AAK1: variants seen among roughly 807,000 people sequenced by gnomAD.
AAK1 encodes AP2 associated kinase 1, also known as AP2-associated protein kinase 1.
AAK1 carries 37 observed loss-of-function variants against 116.0 expected under a neutral mutation model. The observed-to-expected ratio is 0.32, with a 90% CI of 0.25 to 0.42. The LOEUF (loss-of-function observed/expected upper bound fraction) is 0.42, where lower values mean the gene tolerates loss of function less well. Ranked by LOEUF, AAK1 falls within the 10% of genes least tolerant of loss-of-function variation. The pLI is 1.00. For missense variants in AAK1, 919 were observed against 1,170.6 expected (o/e 0.79, Z 3.14); for synonymous variants, 458 against 439.9 (o/e 1.04, Z -0.51).
intron 2 of AAK1, among the ~76,000 whole-genome samples, chr2:69,568,414 A>C (rs896798662): frequency 1.3e-5 from 2 of 151,318 alleles, no homozygotes; most frequent in African/African-American, 4.9e-5. Context: ...AAGGTATATA[A>C]ATGTTTTCAA....
intron 2 of AAK1, among the ~76,000 whole-genome samples, chr2:69,584,288 T>C (rs1019067237): frequency 9.2e-5 from 14 of 152,228 alleles, no homozygotes. Context: ...GGTCATTACA[T>C]AATACCTCTT....
intron 2 of AAK1, among the ~76,000 whole-genome samples, chr2:69,580,633 C>T (rs1014148084): frequency 1.2e-4 from 18 of 152,170 alleles, no homozygotes; most frequent in African/African-American, 4.3e-4. Flanking sequence ...CTCCAGGTTC[C>T]GTTAGAAACA....
At chr2:69,491,887 A>G (rs1280770552) in intron 17 of AAK1, among the ~76,000 whole-genome samples, 3 of 152,196 alleles carry the variant, frequency 2.0e-5, no homozygotes, top group African/African-American at 7.2e-5. Context: ...ACAGTTTCAG[A>G]TCTATTTTTA....
Position 69,482,806 on chromosome 2 carries a change from A to T in AAK1, c.2372T>A (p.Leu791Gln). The T allele has an allele frequency of 6.2e-7, 1 of 1,610,102 alleles. No homozygotes were observed. The highest frequency in any genetic ancestry group is 8.5e-7 in the Non-Finnish European group (1 of 1,176,464). ...PLQVPDAPEK[L>Q]IEGLKSPDTS... ...GTCAGGAGATTTGAGTCCCTCAATT[A>T]GTTTTTCTACGTTGGGCAGAGAGAC... The change falls in exon 18 of 22, where the codon CTA (leucine) becomes CAA (glutamine). Residue 791 changes from leucine to glutamine, a missense_variant. Transcript: ENST00000409085.
intron 2 of AAK1, chr2:69,598,373 A>C: frequency 3.1e-6 from 1 of 325,152 alleles, no homozygotes; most frequent in East Asian, 5.6e-5. Flanking sequence ...TTGGGTTATA[A>C]AATGTCCAGA....
At position 69,497,437 on chromosome 2, in the gene AAK1, G is replaced by A. The variant is rs191364569; in HGVS notation, c.2270-1357C>T. 1.2e-3 allele frequency among the ~76,000 whole-genome samples: 187 copies of A among 151,466 alleles called. 1 individual carries two copies. Among genetic ancestry groups the A allele is most frequent in the Non-Finnish European group, 2.4e-3 (161 of 67,894 alleles). ...CTGCCTCAGCCTCCCGAGTAGCTGGGATTACAGGCACCTACCACCACACCT... is the reference window on the plus strand; with the variant it reads ...CTGCCTCAGCCTCCCGAGTAGCTGGAATTACAGGCACCTACCACCACACCT... On this transcript the variant is annotated intron_variant, in intron 16 of 21. Transcript: ENST00000409085.
In AAK1 at chr2:69,468,177, A is replaced by G. The variant is rs1572868786; in HGVS notation, c.*7692T>C. ...GTATGTGCAGCTACATGGTGATACG[A>G]AAGCATCAGTCAGTGGACAGGAAAT... On this transcript the variant is annotated 3_prime_UTR_variant, in exon 22 of 22. Transcript: ENST00000409085. 4 of 985,428 alleles carry G rather than the reference A, an allele frequency of 4.1e-6. No homozygotes were observed. In the Admixed American group the frequency reaches 2.5e-4, roughly 61 times the overall value. The allele number at this position is 985,428 out of a possible 1,614,324, so 61.0% of individuals were successfully genotyped here.
intron 13 of AAK1, among the ~76,000 whole-genome samples, chr2:69,513,241 G>C (rs554830947): frequency 6.6e-6 from 1 of 152,224 alleles, no homozygotes; most frequent in South Asian, 2.1e-4. Flanking sequence ...CTACGGCACT[G>C]CTTCCTTTCG....
rs1383921598 is a variant in AAK1 at position 69,496,004 on chromosome 2, A to C, written c.2346T>G (p.Leu782=). ...ACCTACCTGGTGCATCAGGTACTTG[A>C]AGAGGAATGAAAGGATCAGACACGC... ...LLSVSDPFIP[L]QVPDAPEKLI... The change falls in exon 17 of 22, where the codon CTT becomes CTG. Residue 782 remains leucine, a synonymous_variant. Transcript: ENST00000409085. 1.9e-6 allele frequency: 3 copies of C among 1,553,738 alleles called. No individual in the cohort carries two copies. Among genetic ancestry groups the C allele is most frequent in the Non-Finnish European group, 2.6e-6 (3 of 1,148,254 alleles).
rs1057454825 is a variant in AAK1 at position 69,470,757 on chromosome 2, A to G, written c.*5112T>C. 2 of 985,614 alleles carry G rather than the reference A, an allele frequency of 2.0e-6. No individual in the cohort carries two copies. Among genetic ancestry groups the G allele is most frequent in the Non-Finnish European group, 2.4e-6 (2 of 829,932 alleles). 61.1% of individuals were successfully genotyped at this position (985,614 alleles called of 1,614,324 possible). A position where few individuals can be genotyped will look rare whatever the true frequency, so the allele number is the denominator to read the frequency against. ...AGGGGTTTTACTCTCTCAGGTAGCC[A>G]TGATTCATTAATATGTCCTCAGTGT... is the stretch of plus-strand genomic sequence containing the variant. On this transcript the variant is annotated 3_prime_UTR_variant, in exon 22 of 22. Coordinates refer to ENST00000409085, the MANE Select transcript of AAK1 (RefSeq NM_014911.5).
At chr2:69,476,671 A>T (rs1326171484) in intron 21 of AAK1, among the ~76,000 whole-genome samples, 1 of 152,206 alleles carries the variant, frequency 6.6e-6, no homozygotes, top group Non-Finnish European at 1.5e-5. Context: ...CCAACTGTTA[A>T]AGACTTCTCT....
chr2:69,465,771 T>C lies in AAK1; in HGVS notation c.*10098A>G. 1 of 1,290,886 alleles carries C rather than the reference T, an allele frequency of 7.7e-7. No individual in the cohort carries two copies. The allele number at this position is 1,290,886 out of a possible 1,614,324, so 80.0% of individuals were successfully genotyped here. A position where few individuals can be genotyped will look rare whatever the true frequency, so the allele number is the denominator to read the frequency against. ...TCCCCTGGGAGAGATGCTGTCCAGA[T>C]GGTCTGCTGCTTGTACAGAATGGGA... On this transcript the variant is annotated 3_prime_UTR_variant, in exon 22 of 22. Transcript: ENST00000409085.
rs139127892 is a variant in AAK1 at position 69,595,032 on chromosome 2, C to T, written c.164-38054G>A. 49 of 745,486 alleles carry T rather than the reference C, an allele frequency of 6.6e-5. No homozygotes were observed. The African/African-American group carries it at 7.5e-4, about 11-fold the overall frequency. The allele number at this position is 745,486 out of a possible 1,614,324, so 46.2% of individuals were successfully genotyped here. ...TGCTTGCCACACTTCTGACACAAGT[C>T]CAGCGGGTTTTAGGAACGTTCACCA... On this transcript the variant is annotated intron_variant, in intron 2 of 21. Transcript: ENST00000409085.
chr2:69,536,998 A>C (rs183274580), intron 5 of AAK1, among the ~76,000 whole-genome samples: 1 of 152,312 alleles, frequency 6.6e-6, no homozygotes, highest in Admixed American at 6.5e-5. Flanking sequence ...CTCCTTTCTT[A>C]AGTGCTTGGA....
chr2:69,634,475 G>A (rs1559020992), intron 2 of AAK1, among the ~76,000 whole-genome samples: 1 of 152,206 alleles, frequency 6.6e-6, no homozygotes, highest in Non-Finnish European at 1.5e-5. Flanking sequence ...AGTGAAAGAG[G>A]CAGCAAGGTT....
chr2:69,495,186 G>A lies in AAK1; in HGVS notation c.2365+799C>T, dbSNP rs140083628. Among the ~76,000 whole-genome samples the A allele has an allele frequency of 1.4e-4, 22 of 152,228 alleles. No individual in the cohort carries two copies. The East Asian group carries it at 2.7e-3, about 19-fold the overall frequency. ...GAGACTGACAGATAAGAGAAAGGGC[G>A]GCTTCTCTTCCCCACACCACTCCTC... On this transcript the variant is annotated intron_variant, in intron 17 of 21. Coordinates refer to ENST00000409085, the MANE Select transcript of AAK1 (RefSeq NM_014911.5).
rs76434461 is a variant in AAK1, at chr2:69,585,612, C to T, written c.164-28634G>A. On this transcript the variant is annotated intron_variant, in intron 2 of 21. Transcript: ENST00000409085. ...TCCTGTCCAAAGTCCTGTATCTCTCCTGCATCGTTAAAGGCAGCCTTGAGT... is the reference window on the plus strand; with the variant it reads ...TCCTGTCCAAAGTCCTGTATCTCTCTTGCATCGTTAAAGGCAGCCTTGAGT... 2.1e-4 allele frequency among the ~76,000 whole-genome samples: 32 copies of T among 152,324 alleles called. 1 individual carries two copies. The East Asian group carries it at 6.2e-3, about 29-fold the overall frequency.
chr2:69,478,273 T>C (rs909079130), intron 20 of AAK1, among the ~76,000 whole-genome samples: 4 of 152,254 alleles, frequency 2.6e-5, no homozygotes, highest in African/African-American at 9.6e-5. Flanking sequence ...ATGATCATTA[T>C]AGGCAGGCAG....
At chr2:69,543,063 G>A (rs1670787106) in intron 4 of AAK1, among the ~76,000 whole-genome samples, 1 of 152,170 alleles carries the variant, frequency 6.6e-6, no homozygotes, top group Admixed American at 6.5e-5. Context: ...AATAGGTCCA[G>A]GGAGCAGGAA....
Sources: allele counts gnomAD v4.1 joint callset (sites outside exome capture counted in the v4.1 genomes callset), GRCh38; gene constraint gnomAD v4.1.1; transcripts MANE v1.5; gene names NCBI Gene and HGNC (gene_info 2026-07-23, HGNC 2026-07-21).